PLPP4: variants seen among roughly 807,000 people sequenced by gnomAD.
PLPP4 encodes phospholipid phosphatase 4, also known as diacylglycerol pyrophosphate like 2.
PLPP4 carries 20 observed loss-of-function variants against 32.2 expected under a neutral mutation model. The observed-to-expected ratio is 0.62, with a 90% CI of 0.44 to 0.90. The LOEUF is 0.90. Ranked by LOEUF, PLPP4 falls within the 40% of genes least tolerant of loss-of-function variation. The pLI, the probability that PLPP4 is intolerant of heterozygous loss-of-function variation, is 0.00. For synonymous variants in PLPP4, 127 were observed against 133.0 expected (o/e 0.95, Z 0.31); for missense variants, 257 against 353.1 (o/e 0.73, Z 2.18).
intron 1 of PLPP4, among the ~76,000 whole-genome samples, chr10:120,490,690 T>A (rs1844680009): frequency 6.6e-6 from 1 of 152,152 alleles, no homozygotes; most frequent in African/African-American, 2.4e-5. Context: ...AGAGAAATGG[T>A]CATGGGTGTC....
Position 120,513,923 on chromosome 10 carries a change from C to G in PLPP4, c.178C>G (p.Leu60Val), listed in dbSNP as rs1160245744. 6 of 1,613,842 alleles carry G rather than the reference C, an allele frequency of 3.7e-6. No individual in the cohort carries two copies. The East Asian group carries it at 1.3e-4, about 36-fold the overall frequency. The change falls in exon 3 of 7, where the codon CTC becomes GTC. Residue 60 changes from leucine to valine, a missense_variant. By Grantham distance (32) the Leu-to-Val change is conservative (BLOSUM62 1). Transcript: ENST00000398250. ...PTRLMFAISF[L>V]TPLAVICVVK... ...TTATTTCTTCCAGGCAATTTCTTTC[C>G]TCACACCCCTGGCTGTTATTTGTGT...
intron 2 of PLPP4, among the ~76,000 whole-genome samples, chr10:120,507,860 T>G (rs1277569484): frequency 6.6e-6 from 1 of 152,116 alleles, no homozygotes. Context: ...GAAAGATGAA[T>G]AAGATATGGT....
At chr10:120,587,208 G>T (rs1052727802) in intron 6 of PLPP4, 2 of 152,292 alleles carry the variant, frequency 1.3e-5, no homozygotes, top group Non-Finnish European at 2.9e-5. Context: ...TGGTTGGCAG[G>T]GCCAGGGATG....
chr10:120,493,173 C>G (rs528659400), intron 1 of PLPP4, among the ~76,000 whole-genome samples: 110 of 152,310 alleles, frequency 7.2e-4, no homozygotes, highest in African/African-American at 2.4e-3. Context: ...CTGGTCAGAG[C>G]ACATATGTTT....
At chr10:120,571,443 C>A (rs1376884148) in intron 5 of PLPP4, among the ~76,000 whole-genome samples, 1 of 152,092 alleles carries the variant, frequency 6.6e-6, no homozygotes, top group African/African-American at 2.4e-5. Flanking sequence ...GGTCATTTAA[C>A]TTGTTCCATG....
intron 3 of PLPP4, among the ~76,000 whole-genome samples, chr10:120,514,260 T>C (rs1044460636): frequency 6.6e-6 from 1 of 152,210 alleles, no homozygotes; most frequent in Non-Finnish European, 1.5e-5. Context: ...ACCAGAGAGC[T>C]GTGCTGCTCA....
At chr10:120,538,040 C>CTG (rs1564825122) in intron 5 of PLPP4, among the ~76,000 whole-genome samples, 15 of 46,742 alleles carry the variant, frequency 3.2e-4, no homozygotes, top group East Asian at 1.2e-3. Context: ...CTCTCTCTCT[C>CTG]TCTCTCTCTC....
chr10:120,545,640 T>C (rs1382107616), intron 5 of PLPP4, among the ~76,000 whole-genome samples: 1 of 152,192 alleles, frequency 6.6e-6, no homozygotes, highest in African/African-American at 2.4e-5. Context: ...TCCTGAATGT[T>C]GTCTCGTCTC....
At chr10:120,531,791 A>G (rs1035317057) in intron 5 of PLPP4, among the ~76,000 whole-genome samples, 1 of 151,780 alleles carries the variant, frequency 6.6e-6, no homozygotes, top group Non-Finnish European at 1.5e-5. Flanking sequence ...CTGTGTTCCT[A>G]TCCTTAATCA....
At chr10:120,557,338 C>T (rs1372834727) in intron 5 of PLPP4, among the ~76,000 whole-genome samples, 1 of 152,160 alleles carries the variant, frequency 6.6e-6, no homozygotes, top group Non-Finnish European at 1.5e-5. Flanking sequence ...CTTGAATGCT[C>T]CCTGGGCTCT....
At chr10:120,458,896 T>G (rs1177079040) in intron 1 of PLPP4, among the ~76,000 whole-genome samples, 2 of 152,228 alleles carry the variant, frequency 1.3e-5, no homozygotes, top group Admixed American at 1.3e-4. Context: ...CACAGTAGAA[T>G]TTAACATTTG....
intron 1 of PLPP4, among the ~76,000 whole-genome samples, chr10:120,503,357 C>G (rs1048272003): frequency 6.6e-5 from 10 of 152,220 alleles, no homozygotes; most frequent in South Asian, 2.1e-4. Context: ...TTCTTCCCCC[C>G]AGTTTTTCTC....
At chr10:120,587,002 A>G (rs1488039919) in intron 6 of PLPP4, among the ~76,000 whole-genome samples, 1 of 152,190 alleles carries the variant, frequency 6.6e-6, no homozygotes, top group Non-Finnish European at 1.5e-5. Flanking sequence ...GCCCTGAAAT[A>G]TGACTAGAAA....
chr10:120,575,052 C>T (rs1849149944), intron 5 of PLPP4, 79 bp from the exon 6 acceptor site: 1 of 1,482,896 alleles, frequency 6.7e-7, no homozygotes, highest in South Asian at 1.3e-5. Flanking sequence ...TGCAAGACGG[C>T]AGACGGAATG....
At chr10:120,464,301 A>C (rs891350663) in intron 1 of PLPP4, among the ~76,000 whole-genome samples, 1 of 152,212 alleles carries the variant, frequency 6.6e-6, no homozygotes, top group Non-Finnish European at 1.5e-5. Context: ...GTGAGTATTA[A>C]ATGGGACAGT....
intron 2 of PLPP4, among the ~76,000 whole-genome samples, chr10:120,511,313 C>T (rs145252549): frequency 1.3e-5 from 2 of 152,148 alleles, no homozygotes; most frequent in African/African-American, 2.4e-5. Context: ...GCGCCTCCCA[C>T]CTGGCACCCA....
chr10:120,459,627 T>A (rs966063585), intron 1 of PLPP4, among the ~76,000 whole-genome samples: 3 of 152,222 alleles, frequency 2.0e-5, no homozygotes, highest in Non-Finnish European at 4.4e-5. Context: ...AAAGTGCCCC[T>A]GGGCAGGCTG....
intron 1 of PLPP4, among the ~76,000 whole-genome samples, chr10:120,481,349 C>A (rs1844196959): frequency 6.6e-6 from 1 of 152,160 alleles, no homozygotes; most frequent in South Asian, 2.1e-4. Context: ...GGCTTCAGGG[C>A]AGCCCAGGGG....
At position 120,589,465 on chromosome 10, in the gene PLPP4, G is replaced by T; in HGVS notation, c.779G>T (p.Ser260Ile). The T allele has an allele frequency of 6.2e-7, 1 of 1,614,164 alleles. No individual in the cohort carries two copies. The highest frequency in any genetic ancestry group is 8.5e-7 in the Non-Finnish European group (1 of 1,180,032). Residue 260 changes from serine to isoleucine, a missense_variant, in exon 7 of 7, where the codon AGC (serine) becomes ATC (isoleucine). Ser to Ile is a moderately radical substitution (Grantham distance 142). Coordinates refer to ENST00000398250, the MANE Select transcript of PLPP4 (RefSeq NM_001030059.3). The part of the protein sequence containing the change: ...EERPTADSAP[S>I]LPLEGITEGP... ...AGGCCCACAGCTGACAGCGCACCCA[G>T]CTTGCCTCTGGAGGGGATCACCGAA...
Sources: allele counts gnomAD v4.1 joint callset (sites outside exome capture counted in the v4.1 genomes callset), GRCh38; gene constraint gnomAD v4.1.1; transcripts MANE v1.5; gene names NCBI Gene and HGNC (gene_info 2026-07-23, HGNC 2026-07-21).